Variants in GALNT13 observed in about 807,000 individuals in gnomAD.
GALNT13 encodes the protein polypeptide N-acetylgalactosaminyltransferase 13.
Under a neutral mutation model 64.2 loss-of-function variants are expected in GALNT13, and 28 were observed. That is an observed-to-expected ratio of 0.44 (90% CI 0.32 to 0.60). The LOEUF (loss-of-function observed/expected upper bound fraction) is 0.60. Among genes scored for constraint, GALNT13 ranks in the 20% least tolerant of loss-of-function variants. GALNT13 has a pLI of 0.05. For missense variants in GALNT13, 577 were observed against 669.8 expected (o/e 0.86, Z 1.53); for synonymous variants, 214 against 224.6 (o/e 0.95, Z 0.42).
At chr2:153,814,303 G>A in the GALNT13 span, among the ~76,000 whole-genome samples, 4 of 152,242 alleles carry the variant, frequency 2.6e-5, no homozygotes, top group East Asian at 1.9e-4. Context: ...AACTGGGCGC[G>A]GTGGCGGGCG....
At chr2:153,915,357 A>G (rs960363746) in intron 2 of GALNT13, among the ~76,000 whole-genome samples, 2 of 152,148 alleles carry the variant, frequency 1.3e-5, no homozygotes, top group East Asian at 3.9e-4. Flanking sequence ...CTTTCCTCAT[A>G]AAGAAGTTTA....
the GALNT13 span, among the ~76,000 whole-genome samples, chr2:153,759,473 A>C: frequency 6.6e-6 from 1 of 152,108 alleles, no homozygotes. Context: ...GTTGAGGTAC[A>C]TTCCTTCTAT....
intron 4 of GALNT13, among the ~76,000 whole-genome samples, chr2:154,143,888 A>C (rs2105591127): frequency 7.1e-6 from 1 of 140,182 alleles, no homozygotes; most frequent in South Asian, 2.3e-4. Context: ...AAAAAAAAAG[A>C]ATCTCTTAGC....
At chr2:154,318,335 T>A (rs1319792222) in intron 9 of GALNT13, among the ~76,000 whole-genome samples, 1 of 152,180 alleles carries the variant, frequency 6.6e-6, no homozygotes, top group Non-Finnish European at 1.5e-5. Context: ...ACAATGCAAT[T>A]TAGTTCATGA....
At chr2:153,148,454 C>A in the GALNT13 span, among the ~76,000 whole-genome samples, 11 of 150,616 alleles carry the variant, frequency 7.3e-5, no homozygotes, top group Non-Finnish European at 1.6e-4. Flanking sequence ...AAAAAAACAA[C>A]AACATGGCTG....
intron 8 of GALNT13, among the ~76,000 whole-genome samples, chr2:154,259,489 A>T (rs1690572363): frequency 6.6e-6 from 1 of 152,172 alleles, no homozygotes; most frequent in African/African-American, 2.4e-5. Flanking sequence ...TATTTATGTA[A>T]TCTGAATTTG....
At chr2:153,445,294 C>A in the GALNT13 span, among the ~76,000 whole-genome samples, 1 of 152,016 alleles carries the variant, frequency 6.6e-6, no homozygotes, top group Non-Finnish European at 1.5e-5. Context: ...ACAAGCAGAA[C>A]CATAAGTTGC....
At chr2:153,568,925 C>T in the GALNT13 span, among the ~76,000 whole-genome samples, 6 of 152,110 alleles carry the variant, frequency 3.9e-5, no homozygotes, top group African/African-American at 1.4e-4. Context: ...TTTTAAAATT[C>T]ACCTGCAATA....
the GALNT13 span, among the ~76,000 whole-genome samples, chr2:153,736,958 C>T: frequency 6.6e-6 from 1 of 152,218 alleles, no homozygotes; most frequent in Admixed American, 6.5e-5. Flanking sequence ...ATTGCTTCTG[C>T]CTTTCCCACT....
intron 4 of GALNT13, among the ~76,000 whole-genome samples, chr2:154,176,974 C>T (rs1332600735): frequency 6.6e-6 from 1 of 152,158 alleles, no homozygotes; most frequent in African/African-American, 2.4e-5. Context: ...ATTAGATATG[C>T]AGATTCATGA....
chr2:153,445,662 G>A, the GALNT13 span, among the ~76,000 whole-genome samples: 4 of 152,140 alleles, frequency 2.6e-5, no homozygotes, highest in African/African-American at 9.7e-5. Flanking sequence ...ACAGGTGTGA[G>A]CCACCATGCC....
the GALNT13 span, among the ~76,000 whole-genome samples, chr2:153,098,852 T>C: frequency 3.9e-5 from 6 of 152,162 alleles, no homozygotes; most frequent in African/African-American, 7.2e-5. Flanking sequence ...ATAAAAAGTT[T>C]TCCATAGTGG....
chr2:153,783,132 G>T, the GALNT13 span, among the ~76,000 whole-genome samples: 3 of 152,310 alleles, frequency 2.0e-5, no homozygotes, highest in South Asian at 6.2e-4. Context: ...GTTTAAGAGT[G>T]AAGCCAGTTC....
At chr2:153,801,855 C>CTT in the GALNT13 span, among the ~76,000 whole-genome samples, 1 of 152,072 alleles carries the variant, frequency 6.6e-6, no homozygotes, top group Non-Finnish European at 1.5e-5. Flanking sequence ...ATTGTTTCCA[C>CTT]TTATGTATGG....
intron 2 of GALNT13, among the ~76,000 whole-genome samples, chr2:153,934,876 G>A (rs1690788224): frequency 6.6e-6 from 1 of 152,196 alleles, no homozygotes; most frequent in East Asian, 1.9e-4. Flanking sequence ...TCCCCAGCAA[G>A]AAGTATTAGG....
At chr2:153,076,100 C>T in the GALNT13 span, among the ~76,000 whole-genome samples, 6 of 151,398 alleles carry the variant, frequency 4.0e-5, no homozygotes, top group African/African-American at 7.3e-5. Flanking sequence ...TGTTTTTTGC[C>T]GAGGTATCTT....
chr2:154,314,324 A>T (rs965847553), intron 9 of GALNT13, among the ~76,000 whole-genome samples: 2 of 152,132 alleles, frequency 1.3e-5, no homozygotes, highest in African/African-American at 2.4e-5. Flanking sequence ...AGTCATTTAT[A>T]TAATGTTATT....
At chr2:154,261,874 G>C in intron 8 of GALNT13, among the ~76,000 whole-genome samples, 1 of 152,040 alleles carries the variant, frequency 6.6e-6, no homozygotes, top group Middle Eastern at 3.2e-3. Flanking sequence ...TGTAGCTGTG[G>C]TCTACATAGG....
the GALNT13 span, among the ~76,000 whole-genome samples, chr2:153,154,288 C>T: frequency 6.6e-6 from 1 of 152,280 alleles, no homozygotes; most frequent in Non-Finnish European, 1.5e-5. Context: ...TTCCCCTGCA[C>T]ATGCTGTCTT....
Sources: gnomAD v4.1 joint callset for allele counts (sites outside exome capture counted in the v4.1 genomes callset) on GRCh38, gnomAD v4.1.1 for gene constraint, MANE v1.5 for transcripts, NCBI Gene and HGNC (gene_info 2026-07-23, HGNC 2026-07-21) for gene names.